The following NAA60 variants were observed in gnomAD, a reference collection of about 807,000 sequenced individuals.
NAA60 encodes N-alpha-acetyltransferase 60, NatF catalytic subunit, also known as N-alpha-acetyltransferase 60.
A neutral mutation model predicts 26.1 loss-of-function variants in NAA60; 8 were observed. That is an observed-to-expected ratio of 0.31 (90% confidence interval 0.18 to 0.55). NAA60 has a LOEUF of 0.55. Ranked by LOEUF, NAA60 falls within the 20% of genes least tolerant of loss-of-function variation. The probability of loss-of-function intolerance (pLI) is 0.93; values close to 1 mark genes in which losing one functional copy is unlikely to be tolerated. For synonymous variants in NAA60, 131 were observed against 122.5 expected (o/e 1.07, Z -0.46); for missense variants, 290 against 311.3 (o/e 0.93, Z 0.51).
intron 2 of NAA60, among the ~76,000 whole-genome samples, chr16:3,456,074 A>C (rs186666034): frequency 6.6e-6 from 1 of 152,326 alleles, no homozygotes; most frequent in African/African-American, 2.4e-5. Context: ...ACGGTGCTGT[A>C]TTTAGAACCC....
At chr16:3,457,804 C>T (rs961808880) in intron 2 of NAA60, among the ~76,000 whole-genome samples, 2 of 152,164 alleles carry the variant, frequency 1.3e-5, no homozygotes, top group Non-Finnish European at 2.9e-5. Context: ...AGAGGTCTGG[C>T]CGGCCATGTC....
In NAA60 at chr16:3,485,621, C is replaced by A; in HGVS notation, c.*361C>A. On this transcript the variant is annotated 3_prime_UTR_variant, in exon 8 of 8. Coordinates refer to ENST00000407558, the MANE Select transcript of NAA60 (RefSeq NM_001083601.3). ...GGCCTCTCCCACTCCGCTGCCTGTT[C>A]TTGCAGCTCCTTCCTGGAAAGCTGG... 1 of 456,586 alleles carries A rather than the reference C, an allele frequency of 2.2e-6. No homozygotes were observed. Among genetic ancestry groups the A allele is most frequent in the African/African-American group, 2.0e-5 (1 of 50,210 alleles). The allele number at this position is 456,586 out of a possible 1,614,324, so 28.3% of individuals were successfully genotyped here.
chr16:3,443,795 G>T lies in NAA60; in HGVS notation c.-119G>T. On this transcript the variant is annotated 5_prime_UTR_variant, in exon 1 of 8. Transcript: ENST00000407558. ...TTTCCGAGAAGAAGGACAGAAAGAA[G>T]ACTGGGAGACACCGGAACTCGAAAG... 1 of 1,534,916 alleles carries T rather than the reference G, an allele frequency of 6.5e-7. No individual in the cohort carries two copies. The highest frequency in any genetic ancestry group is 1.4e-5 in the African/African-American group (1 of 73,130).
chr16:3,458,752 C>T (rs2035174174), intron 2 of NAA60, among the ~76,000 whole-genome samples: 1 of 152,192 alleles, frequency 6.6e-6, no homozygotes, highest in South Asian at 2.1e-4. Context: ...GTTGTTAAGA[C>T]AAATTCCTTA....
At chr16:3,452,486 CTCTACT>C (rs2034823231) in intron 2 of NAA60, among the ~76,000 whole-genome samples, 1 of 151,758 alleles carries the variant, frequency 6.6e-6, no homozygotes, top group African/African-American at 2.4e-5. Context: ...GAAACTCTAT[CTCTACT>C]AAAAATACAA....
In NAA60 at chr16:3,443,781, A is replaced by G. The variant is rs758663718; in HGVS notation, c.-133A>G. The G allele has an allele frequency of 6.5e-7, 1 of 1,534,264 alleles. No homozygotes were observed. The highest frequency in any genetic ancestry group is 8.7e-7 in the Non-Finnish European group (1 of 1,146,136). ...AGGGGGACGTAATGTTTCCGAGAAG[A>G]AGGACAGAAAGAAGACTGGGAGACA... is the stretch of plus-strand genomic sequence containing the variant. On this transcript the variant is annotated 5_prime_UTR_variant, in exon 1 of 8. Transcript: ENST00000407558.
Position 3,445,274 on chromosome 16 carries a change from C to CTTTTTTTTTTTT in NAA60, c.-77+1438_-77+1439insTTTTTTTTTTTT. 1.6e-5 allele frequency among the ~76,000 whole-genome samples: 2 copies of CTTTTTTTTTTTT among 125,532 alleles called. 1 individual carries two copies. Among genetic ancestry groups the CTTTTTTTTTTTT allele is most frequent in the Non-Finnish European group, 3.2e-5 (2 of 61,858 alleles). 82.4% of individuals were successfully genotyped at this position (125,532 alleles called of 152,430 possible). A position where few individuals can be genotyped will look rare whatever the true frequency, so the allele number is the denominator to read the frequency against. On this transcript the variant is annotated intron_variant, in intron 1 of 7. Transcript: ENST00000407558. ...CTTTCCCTTCTTGGTTTGTGCTTATCTCTTTTTTTTTTTTTTTTTTGAGAC... is the reference window on the plus strand; with the variant it reads ...CTTTCCCTTCTTGGTTTGTGCTTATCTTTTTTTTTTTTTCTTTTTTTTTTTTTTTTTTGAGAC...
chr16:3,479,702 A>G, intron 4 of NAA60, 102 bp downstream of exon 4: 13 of 1,400,274 alleles, frequency 9.3e-6, no homozygotes, highest in South Asian at 2.7e-5. Flanking sequence ...CCGTCGTCCA[A>G]GGAGCCTGTG....
rs1452284919 is a variant in NAA60 at position 3,445,274 on chromosome 16, C to CTTTTTTTTTTTTTTTTTTTT, written c.-77+1438_-77+1439insTTTTTTTTTTTTTTTTTTTT. Among the ~76,000 whole-genome samples the CTTTTTTTTTTTTTTTTTTTT allele has an allele frequency of 6.4e-5, 8 of 125,532 alleles. 3 individuals are homozygous for CTTTTTTTTTTTTTTTTTTTT. The highest frequency in any genetic ancestry group is 8.1e-5 in the Non-Finnish European group (5 of 61,858). The allele number at this position is 125,532 out of a possible 152,430, so 82.4% of individuals were successfully genotyped here. A position where few individuals can be genotyped will look rare whatever the true frequency, so the allele number is the denominator to read the frequency against. ...CTTTCCCTTCTTGGTTTGTGCTTATCTCTTTTTTTTTTTTTTTTTTGAGAC... is the reference window on the plus strand; with the variant it reads ...CTTTCCCTTCTTGGTTTGTGCTTATCTTTTTTTTTTTTTTTTTTTTTCTTTTTTTTTTTTTTTTTTGAGAC... On this transcript the variant is annotated intron_variant, in intron 1 of 7. Coordinates refer to ENST00000407558, the MANE Select transcript of NAA60 (RefSeq NM_001083601.3).
chr16:3,449,462 G>A lies in NAA60; in HGVS notation c.-7+922G>A, dbSNP rs546764277. On this transcript the variant is annotated intron_variant, in intron 2 of 7. Coordinates refer to ENST00000407558, the MANE Select transcript of NAA60 (RefSeq NM_001083601.3). ...GAACCTGGGAGGTGACAGTTGCAGT[G>A]AGCCGAGATCACACCACTGTACTCC... 6.0e-5 allele frequency among the ~76,000 whole-genome samples: 9 copies of A among 150,532 alleles called. No homozygotes were observed. The South Asian group carries it at 1.5e-3, about 25-fold the overall frequency.
At position 3,485,849 on chromosome 16, in the gene NAA60, T is replaced by C. The variant is rs970709414; in HGVS notation, c.*589T>C. The C allele has an allele frequency of 9.1e-5, 33 of 361,376 alleles. No homozygotes were observed. The highest frequency in any genetic ancestry group is 6.0e-4 in the African/African-American group (28 of 46,842). 22.4% of individuals were successfully genotyped at this position (361,376 alleles called of 1,614,324 possible). A position where few individuals can be genotyped will look rare whatever the true frequency, so the allele number is the denominator to read the frequency against. On this transcript the variant is annotated 3_prime_UTR_variant, in exon 8 of 8. Transcript: ENST00000407558. ...GAGGGGTGGGCAGCCTGGGGGAGGC[T>C]TTCCTCGCAAGCACAGAGCTCTGAG...
intron 3 of NAA60, among the ~76,000 whole-genome samples, chr16:3,477,029 G>C (rs745494695): frequency 1.3e-5 from 2 of 151,352 alleles, no homozygotes; most frequent in Non-Finnish European, 2.9e-5. Context: ...CAACAAGAGC[G>C]ATATTCCGTT....
intron 2 of NAA60, among the ~76,000 whole-genome samples, chr16:3,455,302 C>T (rs1182211842): frequency 6.6e-6 from 1 of 151,998 alleles, no homozygotes; most frequent in Non-Finnish European, 1.5e-5. Flanking sequence ...ACCTCTTGAC[C>T]TCAAGTGATC....
intron 2 of NAA60, chr16:3,462,588 A>C (rs774774187): frequency 6.6e-6 from 1 of 152,126 alleles, no homozygotes; most frequent in Non-Finnish European, 1.5e-5. Flanking sequence ...TCATTGATGT[A>C]TACACACAGA....
intron 2 of NAA60, among the ~76,000 whole-genome samples, chr16:3,468,505 A>G (rs1305333918): frequency 1.3e-5 from 2 of 152,230 alleles, no homozygotes; most frequent in Non-Finnish European, 2.9e-5. Context: ...CTTGGAGGAA[A>G]GCAGTCTTGG....
chr16:3,481,758 C>T (rs577330604), intron 4 of NAA60, among the ~76,000 whole-genome samples: 5 of 152,184 alleles, frequency 3.3e-5, no homozygotes, highest in Admixed American at 6.5e-5. Flanking sequence ...GTGATAAGGA[C>T]GCCTTCCTCC....
chr16:3,476,292 A>T lies in NAA60; in HGVS notation c.65A>T (p.Asp22Val). ...AGCCTGCGCCTCCTCTGCCACGATGACATAGACACTGTGAAGCACCTGTGT... is the reference window on the plus strand; with the variant it reads ...AGCCTGCGCCTCCTCTGCCACGATGTCATAGACACTGTGAAGCACCTGTGT... Reference protein sequence around the residue: ...EVSLRLLCHDDIDTVKHLCGD... With the variant: ...EVSLRLLCHDVIDTVKHLCGD... Residue 22 changes from aspartate to valine, a missense_variant, in exon 3 of 8, where the codon GAC becomes GTC. By Grantham distance (152) the Asp-to-Val change is radical (BLOSUM62 -3). Transcript: ENST00000407558. The T allele has an allele frequency of 6.2e-7, 1 of 1,613,910 alleles. No individual in the cohort carries two copies. The highest frequency in any genetic ancestry group is 8.5e-7 in the Non-Finnish European group (1 of 1,179,834).
chr16:3,453,972 G>C (rs1488420399), intron 2 of NAA60, among the ~76,000 whole-genome samples: 3 of 152,154 alleles, frequency 2.0e-5, no homozygotes, highest in Non-Finnish European at 4.4e-5. Flanking sequence ...GTGGTGGTTG[G>C]AATCACCTGG....
In NAA60 at chr16:3,483,378, A is replaced by C; in HGVS notation, c.353A>C (p.Glu118Ala). The C allele has an allele frequency of 6.2e-7, 1 of 1,611,314 alleles. No homozygotes were observed. The highest frequency in any genetic ancestry group is 8.5e-7 in the Non-Finnish European group (1 of 1,178,572). ...TCTCCCCAAGGTTCCCTCTTACTTG[A>C]AAGTTTAAAGGATCACATATCAACC... is the stretch of plus-strand genomic sequence containing the variant. ...RKHGIGSLLL[E>A]SLKDHISTTA... The change falls in exon 6 of 8, where the codon GAA (glutamate) becomes GCA (alanine). Residue 118 changes from glutamate to alanine, a missense_variant. By Grantham distance (107) the Glu-to-Ala change is moderately radical. Transcript: ENST00000407558.
Sources: allele counts gnomAD v4.1 joint callset (sites outside exome capture counted in the v4.1 genomes callset), GRCh38; gene constraint gnomAD v4.1.1; transcripts MANE v1.5; gene names NCBI Gene and HGNC (gene_info 2026-07-23, HGNC 2026-07-21).